GUCY2C: variants seen among roughly 807,000 people sequenced by gnomAD.
GUCY2C encodes the protein guanylyl cyclase C.
In GUCY2C, 118 loss-of-function variants were observed where a neutral mutation model predicts 131.1. The observed-to-expected ratio is 0.90, with a 90% CI of 0.78 to 1.05. GUCY2C has a LOEUF of 1.05. Ranked by LOEUF, GUCY2C falls within the 50% of genes least tolerant of loss-of-function variation. The pLI is 0.00. For missense variants in GUCY2C, 1,161 were observed against 1,304.4 expected (o/e 0.89, Z 1.69); for synonymous variants, 452 against 457.8 (o/e 0.99, Z 0.16).
chr12:14,668,068 A>G (rs1948020208), intron 10 of GUCY2C, among the ~76,000 whole-genome samples: 1 of 140,088 alleles, frequency 7.1e-6, no homozygotes, highest in South Asian at 2.2e-4. Flanking sequence ...CAGTGGCACA[A>G]TCATGGCTCA....
At chr12:14,651,533 C>T (rs768778143) in intron 14 of GUCY2C, 22 bp from the exon 15 acceptor site, 2 of 1,334,292 alleles carry the variant, frequency 1.5e-6, no homozygotes, top group Admixed American at 3.5e-5. Flanking sequence ...TGTTTGTTTA[C>T]AAAGCAAATT....
chr12:14,621,704 C>T (rs1023430708), intron 22 of GUCY2C, among the ~76,000 whole-genome samples: 1 of 152,182 alleles, frequency 6.6e-6, no homozygotes, highest in Non-Finnish European at 1.5e-5. Flanking sequence ...AGCCTAAACA[C>T]TGCCCATTTT....
Position 14,616,642 on chromosome 12 carries a change from T to C in GUCY2C, c.2961A>G (p.Thr987=), listed in dbSNP as rs755525760. The C allele has an allele frequency of 2.5e-6, 4 of 1,569,300 alleles. No homozygotes were observed. Among genetic ancestry groups the C allele is most frequent in the Non-Finnish European group, 2.6e-6 (3 of 1,139,264 alleles). ...TCTGTGGACTCCTTACCTTTAAGTA[T>C]GTTTCTCCTCTCACTTCATAAAGGA... is the stretch of plus-strand genomic sequence containing the variant. ...CQFLYEVRGE[T]YLKGRGNETT... The change falls in exon 25 of 27, where the codon ACA becomes ACG. Residue 987 remains threonine, a synonymous_variant. Coordinates refer to ENST00000261170, the MANE Select transcript of GUCY2C (RefSeq NM_004963.4).
chr12:14,677,860 G>A (rs905064727), intron 6 of GUCY2C, among the ~76,000 whole-genome samples: 2 of 151,864 alleles, frequency 1.3e-5, no homozygotes, highest in African/African-American at 4.8e-5. Context: ...GATTACAGGT[G>A]TGAGCCACCA....
intron 5 of GUCY2C, among the ~76,000 whole-genome samples, chr12:14,680,117 G>A (rs967099486): frequency 1.5e-5 from 1 of 65,418 alleles, no homozygotes; most frequent in Non-Finnish European, 5.7e-5. Flanking sequence ...AGAATATATT[G>A]TCATAGATAA....
intron 9 of GUCY2C, among the ~76,000 whole-genome samples, chr12:14,670,870 G>T (rs1169286335): frequency 6.6e-6 from 1 of 151,404 alleles, no homozygotes; most frequent in East Asian, 2.0e-4. Context: ...TTGACTTACA[G>T]TTCCACATGA....
chr12:14,666,306 G>A (rs1327739011), intron 10 of GUCY2C, among the ~76,000 whole-genome samples: 1 of 152,214 alleles, frequency 6.6e-6, no homozygotes, highest in Non-Finnish European at 1.5e-5. Flanking sequence ...CGCTATATTG[G>A]GTGGACCTGG....
At chr12:14,684,559 CTTTCCCTTCCTT>C (rs1787616224) in intron 3 of GUCY2C, among the ~76,000 whole-genome samples, 1 of 138,374 alleles carries the variant, frequency 7.2e-6, no homozygotes, top group Admixed American at 7.4e-5. Context: ...CTCTTTCTTT[CTTTCCCTTCCTT>C]CCTTCCTTCC....
chr12:14,636,920 C>G (rs930010460), intron 19 of GUCY2C, among the ~76,000 whole-genome samples: 26 of 151,950 alleles, frequency 1.7e-4, no homozygotes, highest in African/African-American at 6.3e-4. Flanking sequence ...GAAACCCCGT[C>G]TCTACTAAAA....
intron 7 of GUCY2C, among the ~76,000 whole-genome samples, chr12:14,676,644 A>C (rs1164365469): frequency 6.6e-6 from 1 of 152,186 alleles, no homozygotes; most frequent in African/African-American, 2.4e-5. Context: ...TAGCAGAGTG[A>C]CCTATAGTTA....
chr12:14,658,710 A>G (rs1947808237), intron 11 of GUCY2C, among the ~76,000 whole-genome samples: 2 of 152,120 alleles, frequency 1.3e-5, no homozygotes, highest in Non-Finnish European at 2.9e-5. Context: ...AGTCATTTTT[A>G]TTAATTTATT....
rs1371241711 is a variant in GUCY2C, at chr12:14,654,813, C to T, written c.1470+1699G>A. ...AGAAGATGAGAGACAGAGGTGCACA[C>T]GCTCCTTCTGAAAGTCCCCTCTCCT... On this transcript the variant is annotated intron_variant, in intron 12 of 26. Transcript: ENST00000261170. Among the ~76,000 whole-genome samples the T allele has an allele frequency of 2.0e-5, 3 of 152,036 alleles. No homozygotes were observed. In the East Asian group the frequency reaches 5.8e-4, roughly 29 times the overall value.
intron 10 of GUCY2C, among the ~76,000 whole-genome samples, chr12:14,666,650 G>C (rs943123604): frequency 9.3e-5 from 14 of 151,244 alleles, no homozygotes; most frequent in South Asian, 2.1e-4. Flanking sequence ...CAGGAGAATC[G>C]CTTGAATCCG....
At chr12:14,668,193 C>T (rs1003066593) in intron 10 of GUCY2C, among the ~76,000 whole-genome samples, 5 of 151,160 alleles carry the variant, frequency 3.3e-5, no homozygotes, top group Admixed American at 1.3e-4. Context: ...ATTTTTGAGA[C>T]GGAGTCTTGC....
chr12:14,614,524 G>A (rs1946716333), intron 26 of GUCY2C: 3 of 200,454 alleles, frequency 1.5e-5, no homozygotes, highest in African/African-American at 7.0e-5. Flanking sequence ...TTTTCCAGGT[G>A]GAAGCTCCCT....
chr12:14,623,199 C>T (rs1946929560), intron 21 of GUCY2C, among the ~76,000 whole-genome samples: 1 of 152,208 alleles, frequency 6.6e-6, no homozygotes, highest in African/African-American at 2.4e-5. Flanking sequence ...AGCCTTCAGT[C>T]CCACCCATCA....
intron 13 of GUCY2C, 133 bp from the exon 14 acceptor site, chr12:14,652,163 ATATT>A (rs139251359): frequency 1.3e-4 from 26 of 206,384 alleles, no homozygotes; most frequent in Admixed American, 8.9e-4. Context: ...TTGATTTTTT[ATATT>A]TATTTATTTA....
chr12:14,688,601 C>T (rs1948520540), intron 1 of GUCY2C, among the ~76,000 whole-genome samples: 2 of 152,224 alleles, frequency 1.3e-5, no homozygotes, highest in Admixed American at 1.3e-4. Flanking sequence ...ATCCAGTCAA[C>T]AAACAGTTAT....
At chr12:14,628,519 G>A in intron 20 of GUCY2C, 127 bp downstream of exon 20, 1 of 641,608 alleles carries the variant, frequency 1.6e-6, no homozygotes. Flanking sequence ...TTATGAGGCA[G>A]TTGTTGGTTG....
Sources: allele counts gnomAD v4.1 joint callset (sites outside exome capture counted in the v4.1 genomes callset), GRCh38; gene constraint gnomAD v4.1.1; transcripts MANE v1.5; gene names NCBI Gene and HGNC (gene_info 2026-07-23, HGNC 2026-07-21).